The following PAFAH1B2 variants were observed in gnomAD, a reference collection of about 807,000 sequenced individuals.
The protein encoded by PAFAH1B2 is platelet activating factor acetylhydrolase 1b catalytic subunit 2.
A neutral mutation model predicts 28.0 loss-of-function variants in PAFAH1B2; 8 were observed. The ratio of observed to expected loss-of-function variants is 0.29; its 90% CI spans 0.17 to 0.52. PAFAH1B2 has a LOEUF of 0.52. PAFAH1B2 is among the 20% of genes least tolerant of loss of function. The pLI is 0.97. For missense variants in PAFAH1B2, 190 were observed against 282.6 expected (o/e 0.67, Z 2.35); for synonymous variants, 104 against 103.2 (o/e 1.01, Z -0.05).
chr11:117,172,161 T>G (rs1483123567), downstream of PAFAH1B2, among the ~76,000 whole-genome samples: 1 of 152,028 alleles, frequency 6.6e-6, no homozygotes, highest in African/African-American at 2.4e-5. Context: ...AGGGGAAAAC[T>G]GGACAAACCA....
At chr11:117,163,379 A>G (rs975432125) in intron 4 of PAFAH1B2, among the ~76,000 whole-genome samples, 1 of 152,164 alleles carries the variant, frequency 6.6e-6, no homozygotes, top group Non-Finnish European at 1.5e-5. Flanking sequence ...GCTTTTTGAA[A>G]TAAGATTTTC....
chr11:117,177,657 C>T (rs1454186152), downstream of PAFAH1B2, among the ~76,000 whole-genome samples: 1 of 152,248 alleles, frequency 6.6e-6, no homozygotes, highest in African/African-American at 2.4e-5. Context: ...GCTTCAGCCT[C>T]CCCAGTAGCT....
Position 117,169,510 on chromosome 11 carries a change from T to A in PAFAH1B2, c.*1811T>A. ...TGTTGGAGGAGGGCTTACTGATGCG[T>A]GCTAAGACCGATTTCTGATTGAGGG... On this transcript the variant is annotated 3_prime_UTR_variant, in exon 6 of 6. Coordinates refer to ENST00000527958, the MANE Select transcript of PAFAH1B2 (RefSeq NM_002572.4). The A allele has an allele frequency of 1.9e-6, 2 of 1,054,902 alleles. No individual in the cohort carries two copies. Among genetic ancestry groups the A allele is most frequent in the Non-Finnish European group, 2.3e-6 (2 of 872,702 alleles). The allele number at this position is 1,054,902 out of a possible 1,614,324, so 65.3% of individuals were successfully genotyped here. A position where few individuals can be genotyped will look rare whatever the true frequency, so the allele number is the denominator to read the frequency against.
At chr11:117,161,946 TTTAACCA>T (rs2134200928) in intron 4 of PAFAH1B2, among the ~76,000 whole-genome samples, 1 of 152,234 alleles carries the variant, frequency 6.6e-6, no homozygotes, top group South Asian at 2.1e-4. Flanking sequence ...TTTGGATCTG[TTTAACCA>T]TATAAACAGG....
chr11:117,149,557 G>C (rs990217405), intron 1 of PAFAH1B2, among the ~76,000 whole-genome samples: 2 of 149,700 alleles, frequency 1.3e-5, no homozygotes, highest in African/African-American at 4.9e-5. Context: ...CTCCCAAGTA[G>C]CTGGGACTAC....
chr11:117,165,452 G>A (rs1327957910), intron 5 of PAFAH1B2, among the ~76,000 whole-genome samples: 3 of 152,110 alleles, frequency 2.0e-5, no homozygotes, highest in Non-Finnish European at 4.4e-5. Flanking sequence ...GATGGTGTTA[G>A]GAAGATAGTC....
Position 117,144,350 on chromosome 11 carries a change from G to C in PAFAH1B2, c.-76G>C, listed in dbSNP as rs1244034389. 2 of 422,442 alleles carry C rather than the reference G, an allele frequency of 4.7e-6. No homozygotes were observed. Among genetic ancestry groups the C allele is most frequent in the African/African-American group, 2.1e-5 (1 of 47,712 alleles). 26.2% of individuals were successfully genotyped at this position (422,442 alleles called of 1,614,324 possible). On this transcript the variant is annotated 5_prime_UTR_variant, in exon 1 of 6. Transcript: ENST00000527958. ...GCGCCGGAGCGGGACCGACGGGACC[G>C]AGCGAGCGACCGACGCGCCACCCGC...
chr11:117,155,501 C>T (rs571009966), intron 2 of PAFAH1B2, among the ~76,000 whole-genome samples: 1 of 152,066 alleles, frequency 6.6e-6, no homozygotes, highest in African/African-American at 2.4e-5. Flanking sequence ...TAAATTAAAA[C>T]ATTAGGAAGA....
chr11:117,171,696 C>G (rs990924626), downstream of PAFAH1B2: 30 of 1,535,584 alleles, frequency 2.0e-5, no homozygotes, highest in East Asian at 2.4e-5. Context: ...ACTGGTCGAT[C>G]GGGACCTATC....
At chr11:117,175,646 A>G, downstream of PAFAH1B2, 8 of 1,277,626 alleles carry the variant, frequency 6.3e-6, no homozygotes, top group Non-Finnish European at 7.9e-6. Context: ...TTCATTGTGC[A>G]TAGCAAGCTT....
chr11:117,152,589 T>C, intron 2 of PAFAH1B2, 61 bp downstream of exon 2: 1 of 1,265,766 alleles, frequency 7.9e-7, no homozygotes. Context: ...TTGTCTGTTT[T>C]GTTTTAGTTT....
chr11:117,147,192 C>T lies in PAFAH1B2; in HGVS notation c.-8+2774C>T, dbSNP rs184461905. Among the ~76,000 whole-genome samples, 133 of 152,238 alleles carry T rather than the reference C, an allele frequency of 8.7e-4. 1 individual carries two copies. The highest frequency in any genetic ancestry group is 1.4e-3 in the Non-Finnish European group (96 of 68,016). ...CTGAGACGGGAGAATTGCTTGAACC[C>T]GAGAGGCGGAGGTTGCAGTGAGCCA... On this transcript the variant is annotated intron_variant, in intron 1 of 5. Transcript: ENST00000527958.
chr11:117,170,531 G>T lies in PAFAH1B2; in HGVS notation c.*2832G>T, dbSNP rs1956628452. On this transcript the variant is annotated 3_prime_UTR_variant, in exon 6 of 6. Transcript: ENST00000527958. ...CGTGAGGCTACTTGAACTGTCAGGG[G>T]CATCTGCCTAAACCAGAATCTTTTG... 9.5e-7 allele frequency: 1 copy of T among 1,058,162 alleles called. No individual in the cohort carries two copies. The highest frequency in any genetic ancestry group is 1.1e-6 in the Non-Finnish European group (1 of 875,912). The allele number at this position is 1,058,162 out of a possible 1,614,324, so 65.5% of individuals were successfully genotyped here.
At chr11:117,145,469 G>T (rs1033487954) in intron 1 of PAFAH1B2, among the ~76,000 whole-genome samples, 1 of 152,096 alleles carries the variant, frequency 6.6e-6, no homozygotes, top group African/African-American at 2.4e-5. Flanking sequence ...TGTGGAGAAA[G>T]TGGAAGGAGA....
intron 2 of PAFAH1B2, among the ~76,000 whole-genome samples, chr11:117,158,303 A>G (rs1332368162): frequency 1.3e-5 from 2 of 152,126 alleles, no homozygotes; most frequent in African/African-American, 2.4e-5. Flanking sequence ...TTGGCCTCCT[A>G]AAGTGCTAAG....
At chr11:117,175,281 C>G, downstream of PAFAH1B2, 9 of 1,075,768 alleles carry the variant, frequency 8.4e-6, no homozygotes, top group Non-Finnish European at 1.0e-5. Context: ...ACAAGTCTGG[C>G]TTTGAGACAC....
chr11:117,172,097 A>C (rs1956661586), downstream of PAFAH1B2, among the ~76,000 whole-genome samples: 1 of 151,942 alleles, frequency 6.6e-6, no homozygotes, highest in Non-Finnish European at 1.5e-5. Flanking sequence ...GAACAAGTGG[A>C]AGTGGTAGTA....
downstream of PAFAH1B2, chr11:117,175,927 CA>C (rs2029954807): frequency 2.0e-6 from 3 of 1,535,502 alleles, no homozygotes. Context: ...GCAAGATGAG[CA>C]GGATTACCAT....
Position 117,169,535 on chromosome 11 carries a change from G to T in PAFAH1B2, c.*1836G>T, listed in dbSNP as rs1281894454. The T allele has an allele frequency of 1.9e-6, 2 of 1,055,562 alleles. No homozygotes were observed. The highest frequency in any genetic ancestry group is 3.3e-5 in the African/African-American group (2 of 60,454). The allele number at this position is 1,055,562 out of a possible 1,614,324, so 65.4% of individuals were successfully genotyped here. Reference sequence around the variant, plus strand: ...TGCTAAGACCGATTTCTGATTGAGGGATGAACCTTGGGCTCATTTTTTTCT... The same window carrying T: ...TGCTAAGACCGATTTCTGATTGAGGTATGAACCTTGGGCTCATTTTTTTCT... On this transcript the variant is annotated 3_prime_UTR_variant, in exon 6 of 6. Transcript: ENST00000527958.
Sources: allele counts gnomAD v4.1 joint callset (sites outside exome capture counted in the v4.1 genomes callset), GRCh38; gene constraint gnomAD v4.1.1; transcripts MANE v1.5; gene names NCBI Gene and HGNC (gene_info 2026-07-23, HGNC 2026-07-21).